BBX: variants seen among roughly 807,000 people sequenced by gnomAD.
BBX encodes HMG box transcription factor BBX.
In BBX, 30 loss-of-function variants were observed where a neutral mutation model predicts 100.2. That is an observed-to-expected ratio of 0.30 (90% CI 0.22 to 0.41). The LOEUF (loss-of-function observed/expected upper bound fraction) is 0.41, where lower values mean the gene tolerates loss of function less well. BBX is among the 10% of genes least tolerant of loss of function. The pLI, the probability that BBX is intolerant of heterozygous loss-of-function variation, is 1.00. For synonymous variants in BBX, 376 were observed against 388.1 expected (o/e 0.97, Z 0.37); for missense variants, 1,023 against 1,129.8 (o/e 0.91, Z 1.35).
In BBX at chr3:107,773,225, A is replaced by G. The variant is rs779576691; in HGVS notation, c.1504A>G (p.Lys502Glu). The G allele has an allele frequency of 6.2e-7, 1 of 1,613,994 alleles. No individual in the cohort carries two copies. ...AVAKGDWGIEKLGDTPRKKVR... is the reference protein window; with the variant it reads ...AVAKGDWGIEELGDTPRKKVR... The stretch of plus-strand genomic sequence containing the variant: ...CGCAAAAGGAGACTGGGGCATAGAG[A>G]AACTTGGAGATACCCCTCGCAAGAA... The change falls in exon 11 of 18, where the codon AAA (lysine) becomes GAA (glutamate). Residue 502 changes from lysine (K) to glutamate (E), a missense_variant. By Grantham distance (56) the Lys-to-Glu change is moderately conservative (BLOSUM62 1). Around this residue, in one of 9 missense-constraint regions of BBX, gnomAD observed 348 missense variants for 353.2 expected, o/e 0.99. Transcript: ENST00000325805. The surrounding 1 kb of genome is among the most constrained non-coding windows in gnomAD (Gnocchi z 4.1).
At chr3:107,535,356 G>A (rs16853589) in intron 2 of BBX, among the ~76,000 whole-genome samples, 69,657 of 151,744 alleles carry the variant, frequency 0.46, 16,738 homozygotes, top group Middle Eastern at 0.54. Flanking sequence ...CCTGGGGCTT[G>A]TAAATTTTCA....
chr3:107,523,954 G>T (rs1020781510), intron 1 of BBX, among the ~76,000 whole-genome samples: 1 of 150,774 alleles, frequency 6.6e-6, no homozygotes, highest in South Asian at 2.1e-4. Flanking sequence ...GGAAGAGGGC[G>T]AGGGAGAAGG....
At chr3:107,564,822 TATTCTTGAATATTC>T (rs1225471136) in intron 2 of BBX, among the ~76,000 whole-genome samples, 3 of 152,254 alleles carry the variant, frequency 2.0e-5, no homozygotes, top group African/African-American at 7.2e-5. Flanking sequence ...ATTTTTTGGC[TATTCTTGAATATTC>T]ATTCTTCCAA....
At chr3:107,697,786 C>T (rs1194326012) in intron 3 of BBX, among the ~76,000 whole-genome samples, 1 of 151,966 alleles carries the variant, frequency 6.6e-6, no homozygotes, top group Admixed American at 6.5e-5. Context: ...GCGGGCGCCC[C>T]TCCCCCAGCC....
At chr3:107,665,035 G>A (rs1195340806) in intron 3 of BBX, among the ~76,000 whole-genome samples, 4 of 152,042 alleles carry the variant, frequency 2.6e-5, no homozygotes, top group African/African-American at 7.3e-5. Flanking sequence ...TGGGTACTTC[G>A]TGTTTTATAA....
chr3:107,604,112 G>A (rs1312755268), intron 2 of BBX, among the ~76,000 whole-genome samples: 3 of 152,044 alleles, frequency 2.0e-5, no homozygotes, highest in Non-Finnish European at 2.9e-5. Flanking sequence ...GGCCTTTCCC[G>A]AGAGATTTTA....
intron 1 of BBX, among the ~76,000 whole-genome samples, chr3:107,523,940 A>G (rs1576153284): frequency 9.4e-6 from 1 of 106,476 alleles, no homozygotes; most frequent in Non-Finnish European, 1.9e-5. Flanking sequence ...ATAGGGGGAG[A>G]GGGGGAAGAG....
chr3:107,777,785 A>G (rs146529591), intron 12 of BBX, among the ~76,000 whole-genome samples: 314 of 151,870 alleles, frequency 2.1e-3, no homozygotes, highest in African/African-American at 6.7e-3. Context: ...ATTCTAGTCC[A>G]CTCTCCAGAA....
At chr3:107,639,828 G>A (rs1476170093) in intron 2 of BBX, among the ~76,000 whole-genome samples, 1 of 152,154 alleles carries the variant, frequency 6.6e-6, no homozygotes, top group African/African-American at 2.4e-5. Flanking sequence ...AAGTGAGACT[G>A]TCAGAATTAA....
intron 2 of BBX, among the ~76,000 whole-genome samples, chr3:107,571,625 T>C: frequency 6.6e-6 from 1 of 152,226 alleles, no homozygotes; most frequent in East Asian, 1.9e-4. Flanking sequence ...CCCGAGGTCA[T>C]AGGTGGATCT....
chr3:107,590,845 T>C (rs1430778931), intron 2 of BBX, among the ~76,000 whole-genome samples: 4 of 152,214 alleles, frequency 2.6e-5, no homozygotes, highest in Non-Finnish European at 5.9e-5. Context: ...GCCCAGCACT[T>C]GGGTTGGGGA....
chr3:107,642,305 GTTCA>G (rs1210923224), intron 2 of BBX, among the ~76,000 whole-genome samples: 1 of 152,174 alleles, frequency 6.6e-6, no homozygotes, highest in Non-Finnish European at 1.5e-5. Context: ...TGGTGATTAA[GTTCA>G]TTTTATCAAC....
At chr3:107,608,404 C>T (rs1056216933) in intron 2 of BBX, among the ~76,000 whole-genome samples, 1 of 152,044 alleles carries the variant, frequency 6.6e-6, no homozygotes, top group African/African-American at 2.4e-5. Flanking sequence ...TTTCTGGGTT[C>T]TCTATTCTGT....
intron 1 of BBX, 111 bp downstream of exon 1, chr3:107,523,218 AGCG>A (rs3833481): frequency 0.098 from 20,784 of 212,954 alleles, 1,084 homozygotes; most frequent in African/African-American, 0.11. Flanking sequence ...CGGCAGGAGC[AGCG>A]GCGGCGGCGG....
intron 3 of BBX, among the ~76,000 whole-genome samples, chr3:107,686,593 C>G (rs1280141540): frequency 3.3e-5 from 5 of 152,122 alleles, no homozygotes; most frequent in Non-Finnish European, 7.4e-5. Context: ...CAAGGACAGA[C>G]CCCTCTTTCC....
chr3:107,602,823 A>G (rs1002668217), intron 2 of BBX, among the ~76,000 whole-genome samples: 24 of 152,244 alleles, frequency 1.6e-4, no homozygotes, highest in African/African-American at 5.5e-4. Context: ...TGGTTTTTCA[A>G]ATGGAATCTA....
intron 6 of BBX, among the ~76,000 whole-genome samples, chr3:107,731,982 T>A (rs1244369145): frequency 6.6e-6 from 1 of 152,220 alleles, no homozygotes; most frequent in African/African-American, 2.4e-5. Context: ...TGAATTTTAA[T>A]TCAAGATAGA....
At chr3:107,788,385 A>G (rs1430390515) in intron 13 of BBX, among the ~76,000 whole-genome samples, 1 of 152,148 alleles carries the variant, frequency 6.6e-6, no homozygotes, top group East Asian at 1.9e-4. Context: ...AGCCTGGTGC[A>G]ATAAGGACCC....
chr3:107,600,039 T>C (rs1169708831), intron 2 of BBX, among the ~76,000 whole-genome samples: 1 of 152,200 alleles, frequency 6.6e-6, no homozygotes, highest in East Asian at 1.9e-4. Context: ...AGTGAAAGTT[T>C]TAAAGTTTTT....
Sources: allele counts gnomAD v4.1 joint callset (sites outside exome capture counted in the v4.1 genomes callset), GRCh38; gene constraint gnomAD v4.1.1; regional missense constraint gnomAD v4.1.1; non-coding constraint Gnocchi (gnomAD v3.1); transcripts MANE v1.5; gene names NCBI Gene and HGNC (gene_info 2026-07-23, HGNC 2026-07-21).